TFAM: variants seen among roughly 807,000 people sequenced by gnomAD.
The protein encoded by TFAM is mitochondrial transcription factor 1.
TFAM carries 13 observed loss-of-function variants against 30.6 expected under a neutral mutation model. The ratio of observed to expected loss-of-function variants is 0.42; its 90% CI spans 0.28 to 0.67. The LOEUF (loss-of-function observed/expected upper bound fraction) is 0.67, where lower values mean the gene tolerates loss of function less well. Ranked by LOEUF, TFAM falls within the 30% of genes least tolerant of loss-of-function variation. The probability of loss-of-function intolerance (pLI) is 0.21; values close to 1 mark genes in which losing one functional copy is unlikely to be tolerated. For missense variants in TFAM, 231 were observed against 293.7 expected (o/e 0.79, Z 1.56); for synonymous variants, 106 against 94.8 (o/e 1.12, Z -0.69).
intron 5 of TFAM, 83 bp from the exon 6 acceptor site, chr10:58,394,275 A>G: frequency 4.1e-6 from 4 of 969,522 alleles, no homozygotes; most frequent in Non-Finnish European, 6.7e-6. Flanking sequence ...AATTCTTGGT[A>G]TCTTGAGTTT....
At chr10:58,386,423 TA>T in intron 2 of TFAM, 85 bp downstream of exon 2, 1 of 985,358 alleles carries the variant, frequency 1.0e-6, no homozygotes, top group Admixed American at 1.7e-5. Flanking sequence ...ATTGCAGTGC[TA>T]AAGCATTCAG....
chr10:58,387,868 T>C (rs528502684), intron 2 of TFAM, among the ~76,000 whole-genome samples: 4 of 151,782 alleles, frequency 2.6e-5, no homozygotes, highest in Admixed American at 1.3e-4. Flanking sequence ...AGGTGGAGGT[T>C]GCATTAGGCC....
Position 58,388,807 on chromosome 10 carries a change from G to GA in TFAM, c.430dup (p.Thr144AsnfsTer20). ...ACAAACATTTAAAAAGGAAAGCTAT[G>GA]ACAAAAAAAAAAGTGAGTATCATTG... On this transcript the variant is annotated frameshift_variant, in exon 4 of 7. Coordinates refer to ENST00000487519, the MANE Select transcript of TFAM (RefSeq NM_003201.3). LOFTEE classifies it high-confidence loss of function. 6.3e-7 allele frequency: 1 copy of GA among 1,593,446 alleles called. No homozygotes were observed. The highest frequency in any genetic ancestry group is 8.5e-7 in the Non-Finnish European group (1 of 1,172,156).
At chr10:58,386,037 C>A (rs375910007) in intron 1 of TFAM, among the ~76,000 whole-genome samples, 183 bp from the exon 2 acceptor site, 25 of 152,266 alleles carry the variant, frequency 1.6e-4, no homozygotes, top group African/African-American at 4.6e-4. Context: ...TTTGAGACTT[C>A]AGTCCTGCAG....
chr10:58,396,916 C>T lies in TFAM; in HGVS notation c.*1842C>T, dbSNP rs1332563970. 6.6e-6 allele frequency: 1 copy of T among 152,180 alleles called. No homozygotes were observed. The highest frequency in any genetic ancestry group is 1.5e-5 in the Non-Finnish European group (1 of 68,038). The allele number at this position is 152,180 out of a possible 1,614,324, so 9.4% of individuals were successfully genotyped here. On this transcript the variant is annotated 3_prime_UTR_variant, in exon 7 of 7. Transcript: ENST00000487519. ...AACTTTTCCCTGTGGGAGCTTCTCA[C>T]TCTGGGTGCAGACAGGACAGTGTTG...
rs147614456 is a variant in TFAM at position 58,389,004 on chromosome 10, A to G, written c.441+185A>G. Reference sequence around the variant, plus strand: ...GAGATAGCCACTAGGACCACTTGCCATTGAGTCTGTTTGGAAATCCTTGTT... The same window carrying G: ...GAGATAGCCACTAGGACCACTTGCCGTTGAGTCTGTTTGGAAATCCTTGTT... On this transcript the variant is annotated intron_variant, in intron 4 of 6. Coordinates refer to ENST00000487519, the MANE Select transcript of TFAM (RefSeq NM_003201.3). Among the ~76,000 whole-genome samples the G allele has an allele frequency of 8.2e-3, 1,250 of 152,320 alleles. 7 individuals are homozygous for G. The highest frequency in any genetic ancestry group is 0.013 in the Non-Finnish European group (903 of 68,030).
At chr10:58,394,625 C>A in intron 6 of TFAM, 1 of 696,366 alleles carries the variant, frequency 1.4e-6, no homozygotes, top group African/African-American at 1.8e-5. Context: ...CCACAGCACT[C>A]ATAAGCCTGA....
chr10:58,388,970 A>G, intron 4 of TFAM, 151 bp downstream of exon 4: 1 of 736,658 alleles, frequency 1.4e-6, no homozygotes, highest in Non-Finnish European at 2.1e-6. Context: ...TAGTTCTCTT[A>G]TGAAAAGTGA....
At chr10:58,387,805 C>A (rs1282083383) in intron 2 of TFAM, among the ~76,000 whole-genome samples, 5 of 152,070 alleles carry the variant, frequency 3.3e-5, no homozygotes, top group African/African-American at 4.8e-5. Flanking sequence ...TGGCGCCTAC[C>A]TGTAGTCCCA....
chr10:58,386,165 G>A (rs2132349037), intron 1 of TFAM, 55 bp from the exon 2 acceptor site: 1 of 1,118,448 alleles, frequency 8.9e-7, no homozygotes, highest in East Asian at 2.3e-5. Flanking sequence ...ATATACATGT[G>A]AATATTGACA....
At chr10:58,386,514 TGA>T (rs1227884897) in intron 2 of TFAM, 176 bp downstream of exon 2, 11 of 726,314 alleles carry the variant, frequency 1.5e-5, no homozygotes, top group South Asian at 3.5e-5. Context: ...TAAATATAAA[TGA>T]GAACTAGTAA....
Position 58,390,752 on chromosome 10 carries a change from T to G in TFAM, c.442-13T>G, listed in dbSNP as rs1840577519. The G allele has an allele frequency of 6.2e-7, 1 of 1,608,824 alleles. No homozygotes were observed. Among genetic ancestry groups the G allele is most frequent in the East Asian group, 2.2e-5 (1 of 44,794 alleles). Reference sequence around the variant, plus strand: ...TTAACACTATTTTTGACCCTCCAATTTTTTTAATTCAGGAGTTAACACTGC... The same window carrying G: ...TTAACACTATTTTTGACCCTCCAATGTTTTTAATTCAGGAGTTAACACTGC... On this transcript the variant is annotated splice_polypyrimidine_tract_variant and intron_variant, in intron 4 of 6. Coordinates refer to ENST00000487519, the MANE Select transcript of TFAM (RefSeq NM_003201.3).
At position 58,397,589 on chromosome 10, in the gene TFAM, C is replaced by T. The variant is rs1286979135; in HGVS notation, c.*2515C>T. 1 of 151,984 alleles carries T rather than the reference C, an allele frequency of 6.6e-6. No homozygotes were observed. The highest frequency in any genetic ancestry group is 1.9e-4 in the East Asian group (1 of 5,184). 9.4% of individuals were successfully genotyped at this position (151,984 alleles called of 1,614,324 possible). A position where few individuals can be genotyped will look rare whatever the true frequency, so the allele number is the denominator to read the frequency against. On this transcript the variant is annotated 3_prime_UTR_variant, in exon 7 of 7. Coordinates refer to ENST00000487519, the MANE Select transcript of TFAM (RefSeq NM_003201.3). ...TCCAAGCCTTTTTTTCCCCCGACAT[C>T]CAGAATACACACTGGATCCAAGCCT...
intron 1 of TFAM, among the ~76,000 whole-genome samples, chr10:58,386,001 C>A (rs1840480919): frequency 1.3e-5 from 2 of 152,082 alleles, no homozygotes; most frequent in Non-Finnish European, 2.9e-5. Context: ...TTCCTTCACT[C>A]CCTGCCCTTC....
At position 58,397,512 on chromosome 10, in the gene TFAM, G is replaced by A. The variant is rs1259068087; in HGVS notation, c.*2438G>A. 2 of 152,020 alleles carry A rather than the reference G, an allele frequency of 1.3e-5. No individual in the cohort carries two copies. Among genetic ancestry groups the A allele is most frequent in the Non-Finnish European group, 2.9e-5 (2 of 67,998 alleles). The allele number at this position is 152,020 out of a possible 1,614,324, so 9.4% of individuals were successfully genotyped here. ...AGTATCAGCTTGTATTTGGTTCTCT[G>A]TTTCTAAAATAATGTAATTTTTAAT... On this transcript the variant is annotated 3_prime_UTR_variant, in exon 7 of 7. Coordinates refer to ENST00000487519, the MANE Select transcript of TFAM (RefSeq NM_003201.3).
chr10:58,394,245 A>G (rs1354273175), intron 5 of TFAM, 113 bp from the exon 6 acceptor site: 8 of 800,886 alleles, frequency 1.0e-5, no homozygotes, highest in Admixed American at 1.8e-5. Flanking sequence ...GATGTTAAGA[A>G]TTGATGAGGC....
intron 1 of TFAM, 45 bp downstream of exon 1, chr10:58,385,693 G>T: frequency 1.4e-6 from 2 of 1,433,312 alleles, no homozygotes; most frequent in African/African-American, 1.4e-5. Flanking sequence ...GGCCCAGGAC[G>T]TCCCGGGGTT....
chr10:58,386,113 A>T (rs146333776), intron 1 of TFAM, 107 bp from the exon 2 acceptor site: 39 of 837,722 alleles, frequency 4.7e-5, no homozygotes, highest in African/African-American at 1.7e-4. Flanking sequence ...GGCGTTGGAT[A>T]CATAGTATCT....
At position 58,397,951 on chromosome 10, in the gene TFAM, A is replaced by T. The variant is rs1840718971; in HGVS notation, c.*2877A>T. 1 of 151,694 alleles carries T rather than the reference A, an allele frequency of 6.6e-6. No homozygotes were observed. 9.4% of individuals were successfully genotyped at this position (151,694 alleles called of 1,614,324 possible). On this transcript the variant is annotated 3_prime_UTR_variant, in exon 7 of 7. Transcript: ENST00000487519. ...GTATTTTTTTTTTAATCAAGATGGG[A>T]TCTTGCTATGTTGCCCAGGCTGGTC... is the stretch of plus-strand genomic sequence containing the variant.
Sources: gnomAD v4.1 joint callset for allele counts (sites outside exome capture counted in the v4.1 genomes callset) on GRCh38, gnomAD v4.1.1 for gene constraint, MANE v1.5 for transcripts, NCBI Gene and HGNC (gene_info 2026-07-23, HGNC 2026-07-21) for gene names.